The following CACNG2 variants were observed in gnomAD, a reference collection of about 807,000 sequenced individuals.
CACNG2 encodes calcium voltage-gated channel auxiliary subunit gamma 2.
Under a neutral mutation model 25.9 loss-of-function variants are expected in CACNG2, and 3 were observed. The ratio of observed to expected loss-of-function variants is 0.12; its 90% CI spans 0.05 to 0.30. The LOEUF (loss-of-function observed/expected upper bound fraction) is 0.30. CACNG2 is among the 10% of genes least tolerant of loss of function. CACNG2 has a pLI of 1.00. For synonymous variants in CACNG2, 167 were observed against 173.3 expected (o/e 0.96, Z 0.29); for missense variants, 341 against 432.5 (o/e 0.79, Z 1.88).
chr22:36,637,123 G>A (rs972320281), intron 1 of CACNG2, among the ~76,000 whole-genome samples: 2 of 152,250 alleles, frequency 1.3e-5, no homozygotes, highest in African/African-American at 4.8e-5. Context: ...TGGCTGGCTA[G>A]GGCCTTTGTC....
chr22:36,657,291 C>G (rs2284000), intron 1 of CACNG2, among the ~76,000 whole-genome samples: 36,463 of 152,154 alleles, frequency 0.24, 4,736 homozygotes, highest in Middle Eastern at 0.35. Context: ...ACTCAGGCAT[C>G]CAAGGAGTGA....
intron 1 of CACNG2, among the ~76,000 whole-genome samples, chr22:36,603,293 G>T (rs1391850835): frequency 2.0e-5 from 3 of 152,222 alleles, no homozygotes; most frequent in Non-Finnish European, 4.4e-5. Context: ...GGAAGCTGCA[G>T]AAGAAAAGCT....
rs1474883978 is a variant in CACNG2, at chr22:36,564,915, G to C, written c.437-29C>G. ...CGGGGCGCAGGGTGGCGGGGTGGGG[G>C]ATCAGAGAGAAGGACGTTAGTTTCT... On this transcript the variant is annotated intron_variant, in intron 3 of 3. Coordinates refer to ENST00000300105, the MANE Select transcript of CACNG2 (RefSeq NM_006078.5). The surrounding 1 kb of genome is among the most constrained non-coding windows in gnomAD (Gnocchi z 6.7). 2 of 1,596,952 alleles carry C rather than the reference G, an allele frequency of 1.3e-6. No homozygotes were observed. The highest frequency in any genetic ancestry group is 1.7e-6 in the Non-Finnish European group (2 of 1,172,574).
intron 1 of CACNG2, among the ~76,000 whole-genome samples, chr22:36,655,749 C>CCTTT (rs768729549): frequency 1.9e-4 from 27 of 144,852 alleles, no homozygotes; most frequent in South Asian, 8.7e-4. Context: ...TTCCTTTCTT[C>CCTTT]CTTTCTTTCT....
intron 1 of CACNG2, among the ~76,000 whole-genome samples, chr22:36,684,981 T>C (rs977875848): frequency 1.3e-5 from 2 of 152,310 alleles, no homozygotes; most frequent in South Asian, 2.1e-4. Flanking sequence ...GAAAATCTAT[T>C]GGTCCTGAGC....
At chr22:36,667,846 G>T (rs1294510104) in intron 1 of CACNG2, among the ~76,000 whole-genome samples, 1 of 152,106 alleles carries the variant, frequency 6.6e-6, no homozygotes, top group East Asian at 1.9e-4. Context: ...CTAAATATCT[G>T]GTAATTACCT....
intron 1 of CACNG2, among the ~76,000 whole-genome samples, chr22:36,645,629 G>T (rs1936511507): frequency 1.3e-5 from 2 of 151,298 alleles, no homozygotes; most frequent in South Asian, 4.2e-4. Flanking sequence ...TTTACTTATT[G>T]GGCAGGGAGA....
chr22:36,614,239 C>T (rs536203515), intron 1 of CACNG2, among the ~76,000 whole-genome samples: 3 of 152,292 alleles, frequency 2.0e-5, no homozygotes, highest in Non-Finnish European at 4.4e-5. Context: ...TATCTCTGGA[C>T]GTTTGCCACG....
At chr22:36,699,427 AG>A (rs1050965963) in intron 1 of CACNG2, among the ~76,000 whole-genome samples, 19 of 152,140 alleles carry the variant, frequency 1.2e-4, no homozygotes, top group Non-Finnish European at 2.5e-4. Flanking sequence ...CTTAGAGGCA[AG>A]GACATTTTTT....
rs546227875 is a variant in CACNG2, at chr22:36,687,175, G to A, written c.211+15191C>T. On this transcript the variant is annotated intron_variant, in intron 1 of 3. Coordinates refer to ENST00000300105, the MANE Select transcript of CACNG2 (RefSeq NM_006078.5). The stretch of plus-strand genomic sequence containing the variant: ...TTGAAGGACCCACTGTGGGGATGAT[G>A]GAGTGGGGAGCGAGCAGGGGTCTGC... Among the ~76,000 whole-genome samples the A allele has an allele frequency of 7.9e-5, 12 of 152,330 alleles. 1 individual carries two copies. The East Asian group carries it at 1.9e-3, about 24-fold the overall frequency.
At chr22:36,647,862 G>A (rs980040350) in intron 1 of CACNG2, among the ~76,000 whole-genome samples, 5 of 144,070 alleles carry the variant, frequency 3.5e-5, no homozygotes, top group Non-Finnish European at 7.4e-5. Context: ...ACAGTTTGTA[G>A]TTGTGTGTGT....
rs186712786 is a variant in CACNG2, at chr22:36,625,781, T to C, written c.212-38233A>G. On this transcript the variant is annotated intron_variant, in intron 1 of 3. Coordinates refer to ENST00000300105, the MANE Select transcript of CACNG2 (RefSeq NM_006078.5). Reference sequence around the variant, plus strand: ...ACTGTATGTGCTTTTCTACCTCAAGTCATTTTCTTGGAAAAAAACAAAAAT... The same window carrying C: ...ACTGTATGTGCTTTTCTACCTCAAGCCATTTTCTTGGAAAAAAACAAAAAT... 9.9e-5 allele frequency among the ~76,000 whole-genome samples: 15 copies of C among 152,272 alleles called. 1 individual carries two copies. The highest frequency in any genetic ancestry group is 5.9e-4 in the Admixed American group (9 of 15,294).
At chr22:36,570,272 A>C (rs1046880222) in intron 2 of CACNG2, among the ~76,000 whole-genome samples, 1 of 152,214 alleles carries the variant, frequency 6.6e-6, no homozygotes, top group African/African-American at 2.4e-5. Flanking sequence ...GCGGGAGAGC[A>C]GGGAGGGGTC....
intron 1 of CACNG2, among the ~76,000 whole-genome samples, chr22:36,672,289 T>G (rs529968622): frequency 6.6e-6 from 1 of 152,178 alleles, no homozygotes; most frequent in African/African-American, 2.4e-5. Context: ...TTCAAGTAGC[T>G]GGAGCTACAG....
intron 1 of CACNG2, among the ~76,000 whole-genome samples, chr22:36,666,311 G>A (rs969042568): frequency 6.6e-6 from 1 of 152,156 alleles, no homozygotes; most frequent in African/African-American, 2.4e-5. Context: ...AGAAGGCTGA[G>A]GTGGGAGGAT....
At chr22:36,626,536 C>G (rs1936186023) in intron 1 of CACNG2, among the ~76,000 whole-genome samples, 1 of 152,146 alleles carries the variant, frequency 6.6e-6, no homozygotes, top group African/African-American at 2.4e-5. Context: ...TAGATACTGT[C>G]AGGGTTTCAT....
chr22:36,645,536 CAAAAAAAAAAA>C (rs200600420), intron 1 of CACNG2, among the ~76,000 whole-genome samples: 9 of 134,758 alleles, frequency 6.7e-5, no homozygotes, highest in Admixed American at 7.4e-5. Flanking sequence ...GACTCTGTCT[CAAAAAAAAAAA>C]AAAAAAAAAA....
intron 1 of CACNG2, among the ~76,000 whole-genome samples, chr22:36,598,618 AAAAAC>A (rs765322416): frequency 2.0e-5 from 3 of 151,900 alleles, no homozygotes; most frequent in Non-Finnish European, 2.9e-5. Flanking sequence ...GAATCCGTCT[AAAAAC>A]AAAACAAAAC....
intron 1 of CACNG2, among the ~76,000 whole-genome samples, chr22:36,649,482 T>A (rs977909386): frequency 6.6e-6 from 1 of 152,098 alleles, no homozygotes; most frequent in East Asian, 1.9e-4. Context: ...TTAGTAGATA[T>A]AGGGTTTCAC....
Sources: gnomAD v4.1 joint callset for allele counts (sites outside exome capture counted in the v4.1 genomes callset) on GRCh38, gnomAD v4.1.1 for gene constraint, Gnocchi (gnomAD v3.1) non-coding constraint, MANE v1.5 for transcripts, NCBI Gene and HGNC (gene_info 2026-07-23, HGNC 2026-07-21) for gene names.